Variants in HMGCL observed in about 807,000 individuals in gnomAD.
The protein encoded by HMGCL is 3-hydroxy-3-methylglutaryl-CoA lyase, also known as hydroxymethylglutaryl-CoA lyase, mitochondrial.
In HMGCL, 26 loss-of-function variants were observed where a neutral mutation model predicts 37.3. The observed-to-expected ratio is 0.70, with a 90% confidence interval of 0.51 to 0.97. The LOEUF is 0.97. Ranked by LOEUF, HMGCL falls within the 50% of genes least tolerant of loss-of-function variation. HMGCL has a pLI of 0.00. For synonymous variants in HMGCL, 151 were observed against 148.0 expected (o/e 1.02, Z -0.15); for missense variants, 379 against 398.1 (o/e 0.95, Z 0.41).
At chr1:23,817,362 C>A in intron 3 of HMGCL, 114 bp downstream of exon 3, 1 of 696,892 alleles carries the variant, frequency 1.4e-6, no homozygotes, top group South Asian at 1.6e-5. Flanking sequence ...TCACCTGAGA[C>A]CTCTCAAAGC....
intron 2 of HMGCL, 117 bp downstream of exon 2, chr1:23,820,393 C>T (rs1638695896): frequency 1.3e-6 from 1 of 774,502 alleles, no homozygotes; most frequent in South Asian, 1.4e-5. Flanking sequence ...TCTCCCCTAA[C>T]TTGTGCAGAG....
At chr1:23,824,709 G>A (rs537603088) in intron 1 of HMGCL, among the ~76,000 whole-genome samples, 1 of 152,314 alleles carries the variant, frequency 6.6e-6, no homozygotes, top group South Asian at 2.1e-4. Flanking sequence ...AAAGAGCTGA[G>A]GTTTAGAGAA....
chr1:23,815,861 A>C (rs1638602741), intron 4 of HMGCL, among the ~76,000 whole-genome samples: 1 of 152,026 alleles, frequency 6.6e-6, no homozygotes, highest in African/African-American at 2.4e-5. Flanking sequence ...AAAAAAAAAA[A>C]ACTTTGATTT....
At chr1:23,810,891 A>T in intron 5 of HMGCL, 92 bp from the exon 6 acceptor site, 1 of 1,010,614 alleles carries the variant, frequency 9.9e-7, no homozygotes, top group Non-Finnish European at 1.6e-6. Context: ...ATTTCTGATC[A>T]GTGTGCAATC....
chr1:23,804,498 C>T lies in HMGCL; in HGVS notation c.778G>A (p.Val260Met), dbSNP rs754663896. 2.5e-6 allele frequency: 4 copies of T among 1,614,128 alleles called. No individual in the cohort carries two copies. The highest frequency in any genetic ancestry group is 3.4e-6 in the Non-Finnish European group (4 of 1,180,014). Residue 260 changes from valine (V) to methionine (M), a missense_variant, in exon 8 of 9, where the codon GTG becomes ATG. Coordinates refer to ENST00000374490, the MANE Select transcript of HMGCL (RefSeq NM_000191.3). ...TAGGGACAGCCTCCAAGTCCTGCCA[C>T]AGAAGAGTCCACGACACTCACTCCC... is the stretch of plus-strand genomic sequence containing the variant. The part of the protein sequence containing the change: ...QMGVSVVDSS[V>M]AGLGGCPYAQ...
chr1:23,816,193 G>T (rs1638610565), intron 4 of HMGCL, among the ~76,000 whole-genome samples: 1 of 151,248 alleles, frequency 6.6e-6, no homozygotes, highest in Non-Finnish European at 1.5e-5. Context: ...CCAAAGTGCT[G>T]GGATTATAGG....
In HMGCL at chr1:23,825,231, T is replaced by A. The variant is rs1189419753; in HGVS notation, c.60+125A>T. 8 of 787,902 alleles carry A rather than the reference T, an allele frequency of 1.0e-5. No individual in the cohort carries two copies. In the East Asian group the frequency reaches 2.1e-4, roughly 21 times the overall value. The allele number at this position is 787,902 out of a possible 1,614,324, so 48.8% of individuals were successfully genotyped here. On this transcript the variant is annotated intron_variant, in intron 1 of 8. Transcript: ENST00000374490. ...GGGAGGGTCCAGGACTCCAACGCCC[T>A]CCCGACTCTGGCCTGAGAGCTGTCC...
chr1:23,825,246 G>C (rs969498814), intron 1 of HMGCL, 110 bp downstream of exon 1: 1 of 882,468 alleles, frequency 1.1e-6, no homozygotes, highest in African/African-American at 1.7e-5. Context: ...ACTCTGGCCT[G>C]AGAGCTGTCC....
chr1:23,805,320 A>G (rs1638387544), intron 7 of HMGCL, among the ~76,000 whole-genome samples: 1 of 152,076 alleles, frequency 6.6e-6, no homozygotes, highest in Non-Finnish European at 1.5e-5. Context: ...ACAGCCTGCG[A>G]TCTCTCCCAT....
At chr1:23,815,168 C>T (rs1467640814) in intron 4 of HMGCL, among the ~76,000 whole-genome samples, 3 of 151,984 alleles carry the variant, frequency 2.0e-5, no homozygotes, top group Non-Finnish European at 4.4e-5. Context: ...GATCATGCCA[C>T]TGTACTCCAG....
At chr1:23,808,429 C>A in intron 6 of HMGCL, 106 bp from the exon 7 acceptor site, 1 of 883,760 alleles carries the variant, frequency 1.1e-6, no homozygotes, top group Non-Finnish European at 1.9e-6. Context: ...CTGGGTATGA[C>A]GCACTCAGTT....
intron 5 of HMGCL, among the ~76,000 whole-genome samples, chr1:23,811,772 G>A (rs752237218): frequency 2.0e-5 from 3 of 152,152 alleles, no homozygotes; most frequent in Admixed American, 6.6e-5. Context: ...TAAGGAGGGT[G>A]GATTTGGGAT....
Position 23,802,390 on chromosome 1 carries a change from G to A in HMGCL, c.*73C>T, listed in dbSNP as rs1364785024. 5.4e-6 allele frequency: 5 copies of A among 922,494 alleles called. No individual in the cohort carries two copies. In the Admixed American group the frequency reaches 6.8e-5, roughly 12 times the overall value. 57.1% of individuals were successfully genotyped at this position (922,494 alleles called of 1,614,324 possible). ...CCATTTAACCTATTCTCATTTCCAT[G>A]TCCCCATCCATGAATCATCTGTGTG... On this transcript the variant is annotated 3_prime_UTR_variant, in exon 9 of 9. Coordinates refer to ENST00000374490, the MANE Select transcript of HMGCL (RefSeq NM_000191.3).
chr1:23,802,680 C>G (rs752775100), intron 8 of HMGCL, 116 bp from the exon 9 acceptor site: 4 of 771,978 alleles, frequency 5.2e-6, no homozygotes, highest in Non-Finnish European at 9.1e-6. Flanking sequence ...GATAAACAGG[C>G]TTTTTCCTTG....
chr1:23,824,760 T>C (rs1286562235), intron 1 of HMGCL, among the ~76,000 whole-genome samples: 1 of 152,242 alleles, frequency 6.6e-6, no homozygotes, highest in South Asian at 2.1e-4. Flanking sequence ...GTGGCAGAAC[T>C]ATTGGGACAC....
intron 5 of HMGCL, among the ~76,000 whole-genome samples, chr1:23,812,778 G>A (rs533835551): frequency 1.3e-5 from 2 of 152,306 alleles, no homozygotes; most frequent in South Asian, 2.1e-4. Context: ...GAAAAGAGCC[G>A]GGACCAAATC....
At chr1:23,821,366 T>TA (rs1031719214) in intron 1 of HMGCL, among the ~76,000 whole-genome samples, 40 of 145,956 alleles carry the variant, frequency 2.7e-4, no homozygotes, top group Admixed American at 2.1e-3. Flanking sequence ...CCAAAAAAAA[T>TA]AAAAAAAGGC....
chr1:23,816,088 ATT>A (rs35297134), intron 4 of HMGCL, among the ~76,000 whole-genome samples: 184 of 130,422 alleles, frequency 1.4e-3, no homozygotes, highest in Middle Eastern at 4.1e-3. Flanking sequence ...CAGCTAATTG[ATT>A]TTTTTTTTTT....
intron 6 of HMGCL, 33 bp from the exon 7 acceptor site, chr1:23,808,356 G>C (rs368630579): frequency 2.0e-4 from 322 of 1,583,784 alleles, no homozygotes; most frequent in Non-Finnish European, 2.7e-4. Context: ...GGAGGATACA[G>C]AATCCACCAG....
Sources: allele counts gnomAD v4.1 joint callset (sites outside exome capture counted in the v4.1 genomes callset), GRCh38; gene constraint gnomAD v4.1.1; transcripts MANE v1.5; gene names NCBI Gene and HGNC (gene_info 2026-07-23, HGNC 2026-07-21).